Variants in DIAPH2 observed in about 807,000 individuals in gnomAD.
DIAPH2 encodes the protein protein diaphanous homolog 2.
In DIAPH2, 35 loss-of-function variants were observed where a neutral mutation model predicts 92.7. That is an observed-to-expected ratio of 0.38 (90% CI 0.29 to 0.50). The LOEUF (loss-of-function observed/expected upper bound fraction) is 0.50, where lower values mean the gene tolerates loss of function less well. Among genes scored for constraint, DIAPH2 ranks in the 20% least tolerant of loss-of-function variants. The probability of loss-of-function intolerance (pLI) is 0.94; values close to 1 mark genes in which losing one functional copy is unlikely to be tolerated. For synonymous variants in DIAPH2, 301 were observed against 280.4 expected (o/e 1.07, Z -0.73); for missense variants, 701 against 819.5 (o/e 0.86, Z 1.77).
intron 21 of DIAPH2, among the ~76,000 whole-genome samples, chrX:97,130,228 C>T (rs185321621): frequency 8.9e-6 from 1 of 111,915 alleles, no homozygotes; most frequent in Admixed American, 9.5e-5. Context: ...ATGGAATTAC[C>T]ATATGATCCA....
At chrX:96,968,108 G>C (rs969771425) in intron 17 of DIAPH2, among the ~76,000 whole-genome samples, 2 of 110,394 alleles carry the variant, frequency 1.8e-5, no homozygotes, top group Non-Finnish European at 3.8e-5. Context: ...TGATTCGTGT[G>C]AGATGGTATC....
At chrX:96,960,960 A>G (rs2065843344) in intron 16 of DIAPH2, among the ~76,000 whole-genome samples, 1 of 111,560 alleles carries the variant, frequency 9.0e-6, no homozygotes, top group Non-Finnish European at 1.9e-5. Context: ...ATTGATTATG[A>G]TGTATTATCT....
At chrX:97,480,616 A>C (rs946802492) in intron 26 of DIAPH2, among the ~76,000 whole-genome samples, 3 of 111,565 alleles carry the variant, frequency 2.7e-5, no homozygotes, top group Admixed American at 1.9e-4. Context: ...TATAAAATAT[A>C]AATCTAGATA....
intron 21 of DIAPH2, among the ~76,000 whole-genome samples, chrX:97,137,287 ATATATATATATATATG>A (rs1193337656): frequency 3.1e-5 from 3 of 96,445 alleles, no homozygotes; most frequent in Admixed American, 1.2e-4. Context: ...ATATATATAT[ATATATATATATATATG>A]TATAGAATTA....
chrX:96,920,161 C>A (rs911963508), intron 9 of DIAPH2, among the ~76,000 whole-genome samples: 2 of 111,096 alleles, frequency 1.8e-5, no homozygotes, highest in African/African-American at 6.5e-5. Context: ...GATTATATTA[C>A]ATATTTTAAA....
chrX:97,096,170 A>G (rs1229624416), intron 19 of DIAPH2, among the ~76,000 whole-genome samples: 2 of 112,511 alleles, frequency 1.8e-5, no homozygotes, highest in East Asian at 2.8e-4. Flanking sequence ...CTTTACTACT[A>G]TGAACAGTTT....
intron 10 of DIAPH2, among the ~76,000 whole-genome samples, chrX:96,932,712 G>A (rs965090152): frequency 9.0e-6 from 1 of 110,850 alleles, no homozygotes; most frequent in East Asian, 2.8e-4. Context: ...CAAGAACATG[G>A]TGTGTAATGA....
intron 26 of DIAPH2, among the ~76,000 whole-genome samples, chrX:97,530,743 TGA>T (rs1293039139): frequency 3.6e-5 from 4 of 111,901 alleles, no homozygotes; most frequent in South Asian, 3.8e-4. Flanking sequence ...TAAATTACTA[TGA>T]TTAATAAGTT....
At chrX:96,913,638 G>A (rs1010667477) in intron 7 of DIAPH2, among the ~76,000 whole-genome samples, 2 of 111,158 alleles carry the variant, frequency 1.8e-5, no homozygotes, top group Admixed American at 9.6e-5. Context: ...GAAAATTATA[G>A]GGATGGGTTG....
intron 17 of DIAPH2, among the ~76,000 whole-genome samples, chrX:97,012,633 A>C (rs1019809699): frequency 4.5e-5 from 5 of 112,331 alleles, no homozygotes; most frequent in African/African-American, 1.6e-4. Context: ...AAACTGACTA[A>C]ATTGTACACT....
rs1440726473 is a variant in DIAPH2, at chrX:97,532,479, A to T, written c.3242-66774A>T. On this transcript the variant is annotated intron_variant, in intron 26 of 26. Transcript: ENST00000324765. ...ATTGTGGCCCAGTGTCATCCCCAGA[A>T]GGAGGCTTCTCCCCAGCACTGGCTA... is the stretch of plus-strand genomic sequence containing the variant. 1.7e-4 allele frequency among the ~76,000 whole-genome samples: 19 copies of T among 112,663 alleles called. No individual in the cohort carries two copies. The Admixed American group carries it at 1.8e-3, about 11-fold the overall frequency.
intron 17 of DIAPH2, among the ~76,000 whole-genome samples, chrX:97,020,857 C>A (rs942579229): frequency 8.9e-6 from 1 of 111,974 alleles, no homozygotes; most frequent in East Asian, 2.8e-4. Context: ...TATCTTTGGA[C>A]TGCAGTTGAC....
chrX:97,225,369 G>A (rs2067957023), intron 22 of DIAPH2, among the ~76,000 whole-genome samples: 1 of 111,445 alleles, frequency 9.0e-6, no homozygotes, highest in African/African-American at 3.3e-5. Flanking sequence ...ATGCAAGGAA[G>A]GCTCTGCAGA....
chrX:97,302,649 T>A (rs1157946096), intron 23 of DIAPH2, among the ~76,000 whole-genome samples: 1 of 111,848 alleles, frequency 8.9e-6, no homozygotes, highest in Non-Finnish European at 1.9e-5. Context: ...GGTACAGCTC[T>A]GATTTCTGAT....
intron 4 of DIAPH2, among the ~76,000 whole-genome samples, chrX:96,810,207 G>A (rs184163327): frequency 1.6e-3 from 177 of 111,563 alleles, no homozygotes; most frequent in African/African-American, 4.5e-3. Flanking sequence ...AATGATTGCC[G>A]TTCTAACTGG....
intron 17 of DIAPH2, among the ~76,000 whole-genome samples, chrX:97,022,672 G>A (rs752062377): frequency 8.9e-6 from 1 of 111,770 alleles, no homozygotes; most frequent in South Asian, 3.7e-4. Flanking sequence ...ATTGTCATCT[G>A]GAATTCTGAC....
chrX:97,330,016 CCT>C (rs1569364147), intron 23 of DIAPH2, among the ~76,000 whole-genome samples: 1 of 105,408 alleles, frequency 9.5e-6, no homozygotes, highest in African/African-American at 3.5e-5. Flanking sequence ...GTCACTGACC[CCT>C]CTCTCCTGAA....
At chrX:96,807,589 T>G (rs905049462) in intron 4 of DIAPH2, among the ~76,000 whole-genome samples, 4 of 110,802 alleles carry the variant, frequency 3.6e-5, no homozygotes, top group Non-Finnish European at 7.6e-5. Flanking sequence ...TACACTGAGT[T>G]GGGTTTCAGT....
chrX:97,284,464 G>C (rs1200364617), intron 23 of DIAPH2, among the ~76,000 whole-genome samples: 1 of 110,197 alleles, frequency 9.1e-6, no homozygotes, highest in African/African-American at 3.3e-5. Context: ...TACAAAATTA[G>C]CCGAGCATAG....
Sources: allele counts gnomAD v4.1 joint callset (sites outside exome capture counted in the v4.1 genomes callset), GRCh38; gene constraint gnomAD v4.1.1; transcripts MANE v1.5; gene names NCBI Gene and HGNC (gene_info 2026-07-23, HGNC 2026-07-21).